Variants in MMP2 observed in about 807,000 individuals in gnomAD.
MMP2 encodes 72 kDa type IV collagenase.
A neutral mutation model predicts 74.8 loss-of-function variants in MMP2; 39 were observed. That is an observed-to-expected ratio of 0.52 (90% CI 0.40 to 0.68). The LOEUF (loss-of-function observed/expected upper bound fraction) is 0.68. Among genes scored for constraint, MMP2 ranks in the 30% least tolerant of loss-of-function variants. The pLI, the probability that MMP2 is intolerant of heterozygous loss-of-function variation, is 0.00. For missense variants in MMP2, 803 were observed against 878.3 expected (o/e 0.91, Z 1.08); for synonymous variants, 367 against 339.8 (o/e 1.08, Z -0.88).
chr16:55,494,687 G>A (rs1962492118), intron 9 of MMP2, among the ~76,000 whole-genome samples: 1 of 152,250 alleles, frequency 6.6e-6, no homozygotes, highest in Non-Finnish European at 1.5e-5. Context: ...TTCTCCCAGT[G>A]ATTCTGATGC....
chr16:55,503,010 C>A, intron 12 of MMP2, 122 bp downstream of exon 12: 3 of 769,662 alleles, frequency 3.9e-6, no homozygotes, highest in Non-Finnish European at 6.7e-6. Context: ...CCCAGGAAAA[C>A]AAATCAACTC....
At chr16:55,497,193 T>C (rs1210940126) in intron 10 of MMP2, 131 bp downstream of exon 10, 3 of 1,229,744 alleles carry the variant, frequency 2.4e-6, no homozygotes, top group African/African-American at 1.5e-5. Context: ...CTTTCCTTTA[T>C]GGATTCATTC....
chr16:55,485,384 C>G lies in MMP2; in HGVS notation c.615C>G (p.Ser205=), dbSNP rs1259318372. 1.9e-6 allele frequency: 3 copies of G among 1,614,058 alleles called. No individual in the cohort carries two copies. The East Asian group carries it at 6.7e-5, about 36-fold the overall frequency. The change falls in exon 4 of 13, where the codon TCC becomes TCG. Residue 205 remains serine (S), a synonymous_variant. Coordinates refer to ENST00000219070, the MANE Select transcript of MMP2 (RefSeq NM_004530.6). ...FAPGTGVGGD[S]HFDDDELWTL... is the part of the protein sequence containing the mutation. ...CAGGCACTGGTGTTGGGGGAGACTCCCATTTTGATGACGATGAGCTATGGA... is the reference window on the plus strand; with the variant it reads ...CAGGCACTGGTGTTGGGGGAGACTCGCATTTTGATGACGATGAGCTATGGA...
rs376222279 is a variant in MMP2, at chr16:55,502,431, C to A, written c.1770-348C>A. Among the ~76,000 whole-genome samples, 35 of 152,216 alleles carry A rather than the reference C, an allele frequency of 2.3e-4. 1 individual carries two copies. In the South Asian group the frequency reaches 5.4e-3, roughly 23 times the overall value. ...TAATGCATGCATTAAATTAAATACACTAAATTAGACACAACCCCATTTTAC... is the reference window on the plus strand; with the variant it reads ...TAATGCATGCATTAAATTAAATACAATAAATTAGACACAACCCCATTTTAC... On this transcript the variant is annotated intron_variant, in intron 11 of 12. Coordinates refer to ENST00000219070, the MANE Select transcript of MMP2 (RefSeq NM_004530.6).
At chr16:55,498,924 T>C (rs1596825837) in intron 11 of MMP2, among the ~76,000 whole-genome samples, 1 of 152,080 alleles carries the variant, frequency 6.6e-6, no homozygotes, top group East Asian at 1.9e-4. Context: ...TCCCAGCACT[T>C]TGGGAGGCCA....
In MMP2 at chr16:55,505,549, T is replaced by G. The variant is rs1962779902; in HGVS notation, c.*107T>G. 5 of 900,648 alleles carry G rather than the reference T, an allele frequency of 5.6e-6. No homozygotes were observed. The highest frequency in any genetic ancestry group is 4.0e-5 in the South Asian group (3 of 75,420). The allele number at this position is 900,648 out of a possible 1,614,324, so 55.8% of individuals were successfully genotyped here. ...GGCCTGGCAGCCGTGCCTTCAGCTCTACAGCTAATCAGCATTCTCACTCCT... is the reference window on the plus strand; with the variant it reads ...GGCCTGGCAGCCGTGCCTTCAGCTCGACAGCTAATCAGCATTCTCACTCCT... On this transcript the variant is annotated 3_prime_UTR_variant, in exon 13 of 13. Coordinates refer to ENST00000219070, the MANE Select transcript of MMP2 (RefSeq NM_004530.6).
chr16:55,502,921 G>A (rs376940724), intron 12 of MMP2, 33 bp downstream of exon 12: 2 of 1,554,574 alleles, frequency 1.3e-6, no homozygotes, highest in Non-Finnish European at 8.9e-7. Context: ...CGCTTTCTAG[G>A]ACTCCCCGCC....
Position 55,498,276 on chromosome 16 carries a change from G to T in MMP2, c.1610-13G>T. The T allele has an allele frequency of 1.2e-6, 2 of 1,613,738 alleles. No homozygotes were observed. The highest frequency in any genetic ancestry group is 1.7e-6 in the Non-Finnish European group (2 of 1,179,954). On this transcript the variant is annotated splice_polypyrimidine_tract_variant and intron_variant, in intron 10 of 12. Coordinates refer to ENST00000219070, the MANE Select transcript of MMP2 (RefSeq NM_004530.6). Reference sequence around the variant, plus strand: ...GTCAGCACCAGCCAACACACCCTTTGCTTCCACCCCAGGGAATGAATACTG... The same window carrying T: ...GTCAGCACCAGCCAACACACCCTTTTCTTCCACCCCAGGGAATGAATACTG...
chr16:55,479,347 C>A lies in MMP2; in HGVS notation c.-133C>A. On this transcript the variant is annotated 5_prime_UTR_variant, in exon 1 of 13. Coordinates refer to ENST00000219070, the MANE Select transcript of MMP2 (RefSeq NM_004530.6). ...CCATGAGCCGCTGAGCCGGGCAAAC[C>A]CCAGGCCACCGAGCCAGCGGACCCT... 4 of 1,141,700 alleles carry A rather than the reference C, an allele frequency of 3.5e-6. No homozygotes were observed. The highest frequency in any genetic ancestry group is 3.4e-6 in the Non-Finnish European group (3 of 884,842). 70.7% of individuals were successfully genotyped at this position (1,141,700 alleles called of 1,614,324 possible). A position where few individuals can be genotyped will look rare whatever the true frequency, so the allele number is the denominator to read the frequency against.
rs183173723 is a variant in MMP2 at position 55,484,412 on chromosome 16, G to A, written c.529+248G>A. ...AGGCCGTCTAAACCCGAAGCAAGTG[G>A]TCTACTGTGCTGTCCAATATGGCAG... On this transcript the variant is annotated intron_variant, in intron 3 of 12. Transcript: ENST00000219070. Among the ~76,000 whole-genome samples the A allele has an allele frequency of 3.3e-3, 501 of 152,272 alleles. 4 individuals carry two copies. Among genetic ancestry groups the A allele is most frequent in the Non-Finnish European group, 4.6e-3 (316 of 68,024 alleles).
At position 55,489,748 on chromosome 16, in the gene MMP2, C is replaced by T. The variant is rs367929387; in HGVS notation, c.1104C>T (p.Arg368=). The change falls in exon 7 of 13, where the codon CGC becomes CGT. Residue 368 remains arginine (R), a synonymous_variant. Transcript: ENST00000219070. ...ATGAGAGCTGCACCAGCGCCGGCCG[C>T]AGTGACGGAAAGATGTGGTGTGCGA... ...NKYESCTSAG[R]SDGKMWCATT... The T allele has an allele frequency of 1.9e-6, 3 of 1,614,168 alleles. No homozygotes were observed. The highest frequency in any genetic ancestry group is 1.3e-5 in the African/African-American group (1 of 75,052).
Position 55,483,871 on chromosome 16 carries a change from C to G in MMP2, c.381-145C>G. ...ATATACATACACATACCTGTGCACCCTTCCCGTGCTTGTGCATATACTTGT... is the reference window on the plus strand; with the variant it reads ...ATATACATACACATACCTGTGCACCGTTCCCGTGCTTGTGCATATACTTGT... On this transcript the variant is annotated intron_variant, in intron 2 of 12. Coordinates refer to ENST00000219070, the MANE Select transcript of MMP2 (RefSeq NM_004530.6). The G allele has an allele frequency of 7.3e-6, 6 of 826,480 alleles. No homozygotes were observed. The South Asian group carries it at 8.6e-5, about 12-fold the overall frequency. The allele number at this position is 826,480 out of a possible 1,614,324, so 51.2% of individuals were successfully genotyped here. A position where few individuals can be genotyped will look rare whatever the true frequency, so the allele number is the denominator to read the frequency against.
At chr16:55,485,927 C>T (rs540075242) in intron 5 of MMP2, 150 bp downstream of exon 5, 3 of 762,270 alleles carry the variant, frequency 3.9e-6, no homozygotes, top group South Asian at 3.2e-5. Context: ...CAGTTCCCCC[C>T]CATCCTGATC....
Position 55,483,070 on chromosome 16 carries a change from AG to A in MMP2, c.316del (p.Asp106MetfsTer49). 1 of 1,614,140 alleles carries A rather than the reference AG, an allele frequency of 6.2e-7. No individual in the cohort carries two copies. The highest frequency in any genetic ancestry group is 2.2e-5 in the East Asian group (1 of 44,874). On this transcript the variant is annotated frameshift_variant, in exon 2 of 13. Transcript: ENST00000219070. LOFTEE classifies it high-confidence loss of function. ...TGCGGAAGCCACGCTGCGGCAACCC[AG>A]ATGTGGCCAACTACAACTTCTTCCC... ...TMRKPRCGNP[D>X]VANYNFFPRK...
chr16:55,487,828 A>G (rs1962296976), intron 5 of MMP2: 2 of 152,800 alleles, frequency 1.3e-5, no homozygotes, highest in Non-Finnish European at 2.9e-5. Context: ...CAGAGTGTTT[A>G]GTAAAAGGGA....
At chr16:55,491,397 C>A (rs1296737606) in intron 7 of MMP2, among the ~76,000 whole-genome samples, 1 of 152,140 alleles carries the variant, frequency 6.6e-6, no homozygotes, top group East Asian at 1.9e-4. Flanking sequence ...ACTCTTCTTA[C>A]CTCTTCAGAG....
chr16:55,487,053 C>A (rs894659903), intron 5 of MMP2: 1 of 152,136 alleles, frequency 6.6e-6, no homozygotes, highest in Admixed American at 6.5e-5. Context: ...TTGCGTTTCC[C>A]GGTAGGGATT....
chr16:55,486,180 G>A (rs528437095), intron 5 of MMP2, among the ~76,000 whole-genome samples: 6 of 152,284 alleles, frequency 3.9e-5, no homozygotes, highest in East Asian at 1.9e-4. Flanking sequence ...CATGAGGAAA[G>A]GCTTGCTGGT....
intron 11 of MMP2, among the ~76,000 whole-genome samples, chr16:55,500,828 G>A (rs1962651352): frequency 6.6e-6 from 1 of 152,234 alleles, no homozygotes; most frequent in Non-Finnish European, 1.5e-5. Flanking sequence ...ATCTTTGCTG[G>A]AGAAGGAGAG....
Sources: gnomAD v4.1 joint callset for allele counts (sites outside exome capture counted in the v4.1 genomes callset) on GRCh38, gnomAD v4.1.1 for gene constraint, MANE v1.5 for transcripts, NCBI Gene and HGNC (gene_info 2026-07-23, HGNC 2026-07-21) for gene names.